Variants in POLE2 observed in about 807,000 individuals in gnomAD.
POLE2 encodes the protein DNA polymerase epsilon 2, accessory subunit.
In POLE2, 56 loss-of-function variants were observed where a neutral mutation model predicts 79.4. The observed-to-expected ratio is 0.71, with a 90% CI of 0.57 to 0.88. The LOEUF is 0.88. Ranked by LOEUF, POLE2 falls within the 40% of genes least tolerant of loss-of-function variation. The pLI is 0.00. For synonymous variants in POLE2, 212 were observed against 214.0 expected (o/e 0.99, Z 0.08); for missense variants, 598 against 638.9 (o/e 0.94, Z 0.69).
rs753118611 is a variant in POLE2, at chr14:49,688,138, A to G, written c.66T>C (p.Arg22=). The G allele has an allele frequency of 6.4e-6, 10 of 1,555,502 alleles. No individual in the cohort carries two copies. The highest frequency in any genetic ancestry group is 6.9e-6 in the Non-Finnish European group (8 of 1,151,176). The change falls in exon 1 of 19, where the codon CGT becomes CGC. Residue 22 remains arginine (R), a splice_region_variant and synonymous_variant. Coordinates refer to ENST00000216367, the MANE Select transcript of POLE2 (RefSeq NM_002692.4). ...SAFKLRGLLL[R]GEAIKYLTEA... ...TCAAGCTGCCCGAGCCCACTCACCC[A>G]CGGAGCAGCAAGCCCCGCAACTTGA...
At chr14:49,646,316 T>G (rs944936877) in intron 18 of POLE2, among the ~76,000 whole-genome samples, 2 of 68,464 alleles carry the variant, frequency 2.9e-5, no homozygotes, top group Admixed American at 1.6e-4. Flanking sequence ...TTTTTTTTTT[T>G]TTTTTTTTTT....
At chr14:49,648,123 T>C (rs1417046792) in intron 17 of POLE2, among the ~76,000 whole-genome samples, 1 of 152,246 alleles carries the variant, frequency 6.6e-6, no homozygotes, top group Non-Finnish European at 1.5e-5. Context: ...CCTATGTGCC[T>C]GTAAAGCAAC....
chr14:49,664,621 C>T lies in POLE2; in HGVS notation c.682+5G>A. 10 of 1,569,600 alleles carry T rather than the reference C, an allele frequency of 6.4e-6. No homozygotes were observed. Among genetic ancestry groups the T allele is most frequent in the Non-Finnish European group, 8.8e-6 (10 of 1,139,730 alleles). ...GAAGGACAGTAACAAAGTATACTGA[C>T]TTACCTTCTGCTAAGACAAAGCATG... On this transcript the variant is annotated splice_donor_5th_base_variant and intron_variant, in intron 9 of 18. Coordinates refer to ENST00000216367, the MANE Select transcript of POLE2 (RefSeq NM_002692.4).
intron 10 of POLE2, among the ~76,000 whole-genome samples, chr14:49,659,255 C>G (rs1884928733): frequency 7.1e-6 from 1 of 141,674 alleles, no homozygotes; most frequent in South Asian, 2.1e-4. Flanking sequence ...CCCACCAATC[C>G]CTACACAATT....
intron 10 of POLE2, among the ~76,000 whole-genome samples, chr14:49,658,889 CCTT>C (rs1381023235): frequency 3.3e-5 from 5 of 151,982 alleles, no homozygotes; most frequent in African/African-American, 1.2e-4. Context: ...AGAGTGTAGT[CCTT>C]CTACTTTTTT....
chr14:49,655,155 C>G, intron 11 of POLE2, 61 bp from the exon 12 acceptor site: 1 of 652,896 alleles, frequency 1.5e-6, no homozygotes, highest in Non-Finnish European at 2.4e-6. Flanking sequence ...GTTAAAAACC[C>G]TTTAACCATG....
chr14:49,669,540 C>T lies in POLE2; in HGVS notation c.476G>A (p.Ser159Asn), dbSNP rs778978215. Residue 159 changes from serine to asparagine, a missense_variant, in exon 6 of 19, where the codon AGC becomes AAC. By Grantham distance (46) the Ser-to-Asn change is conservative. Coordinates refer to ENST00000216367, the MANE Select transcript of POLE2 (RefSeq NM_002692.4). ...TGTTCTAACCTGGAATTTGCTTCCG[C>T]TTTCATCAGGGTGAGAACCTATCAC... ...PPVIGSHPDE[S>N]GSKFQLKTIE... 6.3e-7 allele frequency: 1 copy of T among 1,588,192 alleles called. No homozygotes were observed. The highest frequency in any genetic ancestry group is 8.6e-7 in the Non-Finnish European group (1 of 1,156,550).
intron 13 of POLE2, 198 bp downstream of exon 13, chr14:49,654,586 T>C: frequency 1.7e-6 from 1 of 590,768 alleles, no homozygotes; most frequent in South Asian, 4.3e-5. Flanking sequence ...TGGCTGAAAT[T>C]ACCTCTATCC....
chr14:49,662,978 GA>G (rs2139645255), intron 10 of POLE2, among the ~76,000 whole-genome samples: 1 of 152,260 alleles, frequency 6.6e-6, no homozygotes, highest in Admixed American at 6.5e-5. Context: ...ATAAAAATGA[GA>G]ATTTTATATT....
chr14:49,652,654 T>G (rs1884358949), intron 15 of POLE2, among the ~76,000 whole-genome samples: 1 of 152,092 alleles, frequency 6.6e-6, no homozygotes, highest in Non-Finnish European at 1.5e-5. Flanking sequence ...GTTATAAGAA[T>G]CTAATGTCTG....
Position 49,666,402 on chromosome 14 carries a change from T to C in POLE2, c.504A>G (p.Ile168Met), listed in dbSNP as rs1249272882. ...TGGTTGTACTACCCAATAAGGTTTC[T>C]ATTGTTTTAAGCTAAAATAAAACAA... ...ESGSKFQLKT[I>M]ETLLGSTTKI... is the part of the protein sequence containing the mutation. Residue 168 changes from isoleucine (I) to methionine (M), a missense_variant, in exon 7 of 19, where the codon ATA becomes ATG. Ile to Met is a conservative substitution (Grantham distance 10). Coordinates refer to ENST00000216367, the MANE Select transcript of POLE2 (RefSeq NM_002692.4). 6 of 1,449,086 alleles carry C rather than the reference T, an allele frequency of 4.1e-6. No individual in the cohort carries two copies. The highest frequency in any genetic ancestry group is 5.6e-6 in the Non-Finnish European group (6 of 1,070,910). 89.8% of individuals were successfully genotyped at this position (1,449,086 alleles called of 1,614,324 possible). A position where few individuals can be genotyped will look rare whatever the true frequency, so the allele number is the denominator to read the frequency against.
intron 1 of POLE2, among the ~76,000 whole-genome samples, chr14:49,684,280 C>T (rs747360748): frequency 2.6e-5 from 4 of 151,400 alleles, no homozygotes; most frequent in Non-Finnish European, 5.9e-5. Context: ...GGCTAACACA[C>T]GATGAAACCC....
intron 9 of POLE2, 138 bp from the exon 10 acceptor site, chr14:49,663,525 C>A (rs1885243423): frequency 6.7e-6 from 3 of 449,236 alleles, no homozygotes; most frequent in Non-Finnish European, 1.2e-5. Context: ...CCTCAATGAA[C>A]CACAGTGAAC....
chr14:49,657,051 TG>T (rs1369807917), intron 10 of POLE2, among the ~76,000 whole-genome samples: 2 of 150,768 alleles, frequency 1.3e-5, no homozygotes, highest in Non-Finnish European at 2.9e-5. Flanking sequence ...AGATGGAGGT[TG>T]TAGTAAGCCG....
At chr14:49,645,002 G>A (rs959432765) in intron 18 of POLE2, among the ~76,000 whole-genome samples, 6 of 147,944 alleles carry the variant, frequency 4.1e-5, no homozygotes, top group East Asian at 3.9e-4. Flanking sequence ...AGACTGTGCC[G>A]CTGCACTCTA....
chr14:49,654,032 C>T lies in POLE2; in HGVS notation c.1169G>A (p.Arg390Lys), dbSNP rs1884469922. 6.2e-7 allele frequency: 1 copy of T among 1,600,250 alleles called. No homozygotes were observed. The change falls in exon 15 of 19, where the codon AGA (arginine) becomes AAA (lysine). Residue 390 changes from arginine to lysine, a missense_variant. Coordinates refer to ENST00000216367, the MANE Select transcript of POLE2 (RefSeq NM_002692.4). ...AAAAACTGAAAATGGTACCCTTTGTCTGAATTCATTAGTGATGCTTTCAGC... is the reference window on the plus strand; with the variant it reads ...AAAAACTGAAAATGGTACCCTTTGTTTGAATTCATTAGTGATGCTTTCAGC... ...PLAESITNEF[R>K]QRVPFSVFTT...
At chr14:49,685,619 T>C (rs529934635) in intron 1 of POLE2, among the ~76,000 whole-genome samples, 1 of 152,162 alleles carries the variant, frequency 6.6e-6, no homozygotes, top group Non-Finnish European at 1.5e-5. Context: ...CTTTCTTTTT[T>C]TTCTTTCTTT....
At chr14:49,668,154 T>G (rs373098322) in intron 6 of POLE2, among the ~76,000 whole-genome samples, 70 of 152,098 alleles carry the variant, frequency 4.6e-4, no homozygotes, top group African/African-American at 1.7e-3. Context: ...TGCACGTATG[T>G]CCCAGCTACT....
chr14:49,685,764 G>A (rs965475754), intron 1 of POLE2, among the ~76,000 whole-genome samples: 2 of 151,140 alleles, frequency 1.3e-5, no homozygotes, highest in Non-Finnish European at 2.9e-5. Flanking sequence ...GGTTACAGGT[G>A]CACATCACCA....
Sources: gnomAD v4.1 joint callset for allele counts (sites outside exome capture counted in the v4.1 genomes callset) on GRCh38, gnomAD v4.1.1 for gene constraint, MANE v1.5 for transcripts, NCBI Gene and HGNC (gene_info 2026-07-23, HGNC 2026-07-21) for gene names.